DTNA: variants seen among roughly 807,000 people sequenced by gnomAD.
The protein encoded by DTNA is dystrophin-related protein 3.
Under a neutral mutation model 100.7 loss-of-function variants are expected in DTNA, and 43 were observed. That is an observed-to-expected ratio of 0.43 (90% CI 0.33 to 0.55). DTNA has a LOEUF of 0.55. Ranked by LOEUF, DTNA falls within the 20% of genes least tolerant of loss-of-function variation. The pLI, the probability that DTNA is intolerant of heterozygous loss-of-function variation, is 0.04. For synonymous variants in DTNA, 349 were observed against 347.9 expected (o/e 1.00, Z -0.04); for missense variants, 798 against 953.9 (o/e 0.84, Z 2.15).
chr18:34,680,159 A>G (rs2077897703), intron 1 of DTNA, among the ~76,000 whole-genome samples: 4 of 152,160 alleles, frequency 2.6e-5, no homozygotes, highest in Non-Finnish European at 5.9e-5. Context: ...AAATTTTTAA[A>G]GTGCTATGTA....
chr18:34,698,906 C>T (rs1471335504), intron 1 of DTNA, among the ~76,000 whole-genome samples: 3 of 151,756 alleles, frequency 2.0e-5, no homozygotes, highest in Non-Finnish European at 4.4e-5. Flanking sequence ...GCAACACACT[C>T]ACCCAGGAAC....
intron 1 of DTNA, among the ~76,000 whole-genome samples, chr18:34,648,963 C>G (rs989195156): frequency 6.6e-6 from 1 of 152,138 alleles, no homozygotes; most frequent in Non-Finnish European, 1.5e-5. Flanking sequence ...ACTGTTGGTT[C>G]TCATTTTTCA....
chr18:34,833,342 A>T (rs1172360274), intron 11 of DTNA, among the ~76,000 whole-genome samples: 3 of 151,662 alleles, frequency 2.0e-5, no homozygotes, highest in Non-Finnish European at 4.4e-5. Context: ...TAAGGGGATA[A>T]TTTTTTTAAT....
intron 2 of DTNA, among the ~76,000 whole-genome samples, chr18:34,757,862 A>G (rs1231240419): frequency 6.6e-6 from 1 of 152,220 alleles, no homozygotes; most frequent in Non-Finnish European, 1.5e-5. Context: ...GAATAGATAA[A>G]CAAGCCAAAC....
At position 34,888,357 on chromosome 18, in the gene DTNA, C is replaced by T. The variant is rs937492915; in HGVS notation, c.*623C>T. ...TTCCTGAGTGTACAAACTCAGAGCC[C>T]GGAAGCCAAGAAGGGTCCTTGGCCT... On this transcript the variant is annotated 3_prime_UTR_variant, in exon 23 of 23. Coordinates refer to ENST00000444659, the MANE Select transcript of DTNA (RefSeq NM_001386795.1). The T allele has an allele frequency of 7.1e-6, 7 of 985,588 alleles. No individual in the cohort carries two copies. Among genetic ancestry groups the T allele is most frequent in the Admixed American group, 1.2e-4 (2 of 16,254 alleles). 61.1% of individuals were successfully genotyped at this position (985,588 alleles called of 1,614,324 possible). A position where few individuals can be genotyped will look rare whatever the true frequency, so the allele number is the denominator to read the frequency against.
chr18:34,618,482 C>T (rs2147787276), intron 1 of DTNA, among the ~76,000 whole-genome samples: 1 of 152,278 alleles, frequency 6.6e-6, no homozygotes, highest in East Asian at 1.9e-4. Context: ...ATGTCCTTCA[C>T]AGGCTGGAGT....
intron 1 of DTNA, among the ~76,000 whole-genome samples, chr18:34,605,682 A>T (rs2052932232): frequency 6.6e-6 from 1 of 151,314 alleles, no homozygotes; most frequent in Non-Finnish European, 1.5e-5. Context: ...CAGTGCTTTT[A>T]CAAGTCTAGG....
At chr18:34,675,240 C>T (rs1052882226) in intron 1 of DTNA, among the ~76,000 whole-genome samples, 2 of 151,930 alleles carry the variant, frequency 1.3e-5, no homozygotes, top group African/African-American at 4.8e-5. Flanking sequence ...GTTGCACGTA[C>T]CCACCCTGCA....
intron 6 of DTNA, chr18:34,815,644 C>T: frequency 2.4e-6 from 1 of 408,604 alleles, no homozygotes; most frequent in Non-Finnish European, 4.6e-6. Context: ...ACAAATGATG[C>T]TCTTGGAATT....
chr18:34,861,942 G>C (rs1375570524), intron 16 of DTNA, among the ~76,000 whole-genome samples: 1 of 152,090 alleles, frequency 6.6e-6, no homozygotes, highest in East Asian at 1.9e-4. Flanking sequence ...GCTTCTCTTA[G>C]TGTTTCTCAC....
intron 1 of DTNA, among the ~76,000 whole-genome samples, chr18:34,502,154 G>A (rs1227016828): frequency 2.0e-5 from 3 of 152,084 alleles, no homozygotes; most frequent in Non-Finnish European, 1.5e-5. Context: ...AAATTTATTT[G>A]TGTAGAATTA....
chr18:34,605,302 TTTTG>T (rs2052803408), intron 1 of DTNA, among the ~76,000 whole-genome samples: 2 of 152,166 alleles, frequency 1.3e-5, no homozygotes, highest in Admixed American at 1.3e-4. Flanking sequence ...CAAAAACTTA[TTTTG>T]AATACCAAAT....
chr18:34,698,615 G>A (rs1278014582), intron 1 of DTNA, among the ~76,000 whole-genome samples: 1 of 152,176 alleles, frequency 6.6e-6, no homozygotes, highest in African/African-American at 2.4e-5. Context: ...TTATTAAGGA[G>A]TATTGACTCA....
chr18:34,598,219 T>C (rs1031050066), intron 1 of DTNA, among the ~76,000 whole-genome samples: 2 of 145,498 alleles, frequency 1.4e-5, no homozygotes, highest in Non-Finnish European at 3.0e-5. Flanking sequence ...CTTTCTTTCT[T>C]TTTTTTTTTT....
At chr18:34,715,550 A>G (rs2083867425) in intron 1 of DTNA, among the ~76,000 whole-genome samples, 1 of 152,068 alleles carries the variant, frequency 6.6e-6, no homozygotes, top group Admixed American at 6.6e-5. Flanking sequence ...TTGGTGGAAC[A>G]TTTACTCAGA....
At chr18:34,556,640 G>C (rs2046086131) in intron 1 of DTNA, among the ~76,000 whole-genome samples, 2 of 151,896 alleles carry the variant, frequency 1.3e-5, no homozygotes, top group African/African-American at 4.8e-5. Context: ...AGCTTAGTTT[G>C]GCTGGATATG....
chr18:34,790,567 A>ATATTTTTTTTTTT (rs2094687460), intron 3 of DTNA, among the ~76,000 whole-genome samples: 1 of 39,660 alleles, frequency 2.5e-5, no homozygotes, highest in African/African-American at 9.1e-5. Context: ...ATATATATAT[A>ATATTTTTTTTTTT]TTTTTTTTTT....
intron 1 of DTNA, among the ~76,000 whole-genome samples, chr18:34,529,586 G>A (rs938247801): frequency 6.6e-6 from 1 of 152,118 alleles, no homozygotes; most frequent in African/African-American, 2.4e-5. Context: ...GCAGAAGGCC[G>A]ACTGCTACTG....
At chr18:34,626,256 A>G (rs1463491824) in intron 1 of DTNA, among the ~76,000 whole-genome samples, 3 of 152,212 alleles carry the variant, frequency 2.0e-5, no homozygotes, top group Admixed American at 6.5e-5. Context: ...TCTTATAAGT[A>G]AGACTCAGAA....
Sources: gnomAD v4.1 joint callset for allele counts (sites outside exome capture counted in the v4.1 genomes callset) on GRCh38, gnomAD v4.1.1 for gene constraint, MANE v1.5 for transcripts, NCBI Gene and HGNC (gene_info 2026-07-23, HGNC 2026-07-21) for gene names.